DPH5: variants seen among roughly 807,000 people sequenced by gnomAD.
The protein encoded by DPH5 is diphthine methyl ester synthase.
DPH5 carries 31 observed loss-of-function variants against 31.6 expected under a neutral mutation model. The observed-to-expected ratio is 0.98, with a 90% confidence interval of 0.74 to 1.32. DPH5 has a LOEUF of 1.32. Among genes scored for constraint, DPH5 ranks in the 40% most tolerant of loss-of-function variants. The pLI is 0.00. For missense variants in DPH5, 309 were observed against 335.7 expected, an observed-to-expected ratio of 0.92 and a Z score of 0.62; for synonymous variants, 120 against 115.0, an observed-to-expected ratio of 1.04 and a Z score of -0.28.
At chr1:101,013,143 A>C (rs1443543429) in intron 4 of DPH5, among the ~76,000 whole-genome samples, 1 of 152,218 alleles carries the variant, frequency 6.6e-6, no homozygotes, top group Non-Finnish European at 1.5e-5. Flanking sequence ...AGCTTGGAAA[A>C]TGATAGTAGC....
intron 3 of DPH5, among the ~76,000 whole-genome samples, chr1:101,017,899 G>T (rs1290288789): frequency 6.6e-6 from 1 of 152,134 alleles, no homozygotes; most frequent in Admixed American, 6.5e-5. Flanking sequence ...TTAACATTAA[G>T]AGTAAAGAAA....
chr1:101,024,717 T>C (rs1361581224), intron 2 of DPH5, among the ~76,000 whole-genome samples: 1 of 152,250 alleles, frequency 6.6e-6, no homozygotes, highest in African/African-American at 2.4e-5. Context: ...TATAATATAC[T>C]AACAAATACT....
chr1:101,001,612 G>A (rs1658872244), intron 4 of DPH5, 25 bp from the exon 5 acceptor site: 1 of 1,483,976 alleles, frequency 6.7e-7, no homozygotes, highest in African/African-American at 1.4e-5. Flanking sequence ...ATTAATTAAT[G>A]ATGGAACAAT....
intron 6 of DPH5, among the ~76,000 whole-genome samples, chr1:100,993,826 C>T (rs1226228112): frequency 1.3e-5 from 2 of 151,590 alleles, no homozygotes; most frequent in Non-Finnish European, 2.9e-5. Flanking sequence ...ACTGCAACCT[C>T]TGCCTCCTGG....
intron 5 of DPH5, chr1:100,995,402 G>T: frequency 2.7e-6 from 1 of 371,712 alleles, no homozygotes. Context: ...GAAGACAAGG[G>T]AAAGAATTAG....
chr1:100,990,019 T>G lies in DPH5; in HGVS notation c.*389A>C, dbSNP rs1657523690. Reference sequence around the variant, plus strand: ...ACACAAACATGCATGCATCCAGGTATTAATCCATTCTCACACTGCTATGAA... The same window carrying G: ...ACACAAACATGCATGCATCCAGGTAGTAATCCATTCTCACACTGCTATGAA... On this transcript the variant is annotated 3_prime_UTR_variant, in exon 8 of 8. Transcript: ENST00000370109. 5.0e-6 allele frequency: 1 copy of G among 200,882 alleles called. No individual in the cohort carries two copies. Among genetic ancestry groups the G allele is most frequent in the African/African-American group, 2.4e-5 (1 of 42,442 alleles). 12.4% of individuals were successfully genotyped at this position (200,882 alleles called of 1,614,324 possible).
intron 2 of DPH5, chr1:101,023,078 A>G (rs1169612240): frequency 6.6e-6 from 1 of 152,244 alleles, no homozygotes; most frequent in Non-Finnish European, 1.5e-5. Flanking sequence ...CTGTAATCCC[A>G]GCTACTCAGA....
chr1:100,990,322 A>G lies in DPH5; in HGVS notation c.*86T>C. On this transcript the variant is annotated 3_prime_UTR_variant, in exon 8 of 8. Transcript: ENST00000370109. ...TGGGAATTATGAGGATTAAAATTCA[A>G]GATGAGACTTGGGTGGGGATACATC... is the stretch of plus-strand genomic sequence containing the variant. The G allele has an allele frequency of 1.6e-6, 2 of 1,252,640 alleles. No individual in the cohort carries two copies. The highest frequency in any genetic ancestry group is 3.0e-5 in the African/African-American group (2 of 67,744). The allele number at this position is 1,252,640 out of a possible 1,614,324, so 77.6% of individuals were successfully genotyped here. A position where few individuals can be genotyped will look rare whatever the true frequency, so the allele number is the denominator to read the frequency against.
intron 3 of DPH5, among the ~76,000 whole-genome samples, chr1:101,015,060 A>G (rs1210865090): frequency 6.6e-6 from 1 of 151,970 alleles, no homozygotes; most frequent in Non-Finnish European, 1.5e-5. Flanking sequence ...GTTGGAATCG[A>G]CCCCTCCCAA....
intron 1 of DPH5, 53 bp from the exon 2 acceptor site, chr1:101,025,519 A>G: frequency 6.4e-7 from 1 of 1,567,432 alleles, no homozygotes; most frequent in East Asian, 2.3e-5. Context: ...GACATCTAAA[A>G]TCTAGTGATG....
At chr1:100,991,164 A>T (rs531681008) in intron 7 of DPH5, among the ~76,000 whole-genome samples, 1 of 152,366 alleles carries the variant, frequency 6.6e-6, no homozygotes, top group Admixed American at 6.5e-5. Context: ...AAGATAGTAG[A>T]TATGAGACTA....
intron 3 of DPH5, among the ~76,000 whole-genome samples, chr1:101,014,060 G>T (rs919327790): frequency 2.0e-5 from 3 of 152,148 alleles, no homozygotes; most frequent in Non-Finnish European, 4.4e-5. Context: ...AGCTACTTAA[G>T]AAAGGGACCT....
At chr1:100,997,670 T>C (rs551520125) in intron 5 of DPH5, among the ~76,000 whole-genome samples, 4 of 152,290 alleles carry the variant, frequency 2.6e-5, no homozygotes, top group African/African-American at 9.6e-5. Context: ...CGGCCTTTCC[T>C]GTCATTTTTA....
At chr1:101,015,933 T>G (rs111310319) in intron 3 of DPH5, among the ~76,000 whole-genome samples, 6 of 152,330 alleles carry the variant, frequency 3.9e-5, no homozygotes, top group African/African-American at 1.2e-4. Context: ...AGACTTTAGC[T>G]TAAGGGAATA....
chr1:100,995,143 T>C lies in DPH5; in HGVS notation c.497A>G (p.Lys166Arg), dbSNP rs192442376. Residue 166 changes from lysine (K) to arginine (R), a missense_variant, in exon 6 of 8, where the codon AAA (lysine) becomes AGA (arginine). By Grantham distance (26) the Lys-to-Arg change is conservative. Coordinates refer to ENST00000370109, the MANE Select transcript of DPH5 (RefSeq NM_015958.3). Reference sequence around the variant, plus strand: ...ATTTTCCAAAGACTGCTCCTTTACTTTGATGTCTGTAGGAAGTAAAAATAG... The same window carrying C: ...ATTTTCCAAAGACTGCTCCTTTACTCTGATGTCTGTAGGAAGTAAAAATAG... ...GMHTLCLLDI[K>R]VKEQSLENLI... 17 of 1,574,534 alleles carry C rather than the reference T, an allele frequency of 1.1e-5. 1 individual carries two copies. The Admixed American group carries it at 2.5e-4, about 23-fold the overall frequency.
Position 101,001,524 on chromosome 1 carries a change from A to T in DPH5, c.433T>A (p.Phe145Ile). The T allele has an allele frequency of 6.2e-7, 1 of 1,612,940 alleles. No individual in the cohort carries two copies. The highest frequency in any genetic ancestry group is 8.5e-7 in the Non-Finnish European group (1 of 1,178,986). Residue 145 changes from phenylalanine (F) to isoleucine (I), a missense_variant, in exon 5 of 8, where the codon TTC becomes ATC. Physicochemically the swap from Phe to Ile is conservative, Grantham distance 21. Transcript: ENST00000370109. ...FWTDTWRPES[F>I]FDKVKKNRQN... ...CTGTTCTTCTTCACTTTGTCAAAGA[A>T]GCTTTCTGGTCTCCAAGTGTCTGTC... is the stretch of plus-strand genomic sequence containing the variant.
At chr1:101,023,204 A>C (rs1481958683) in intron 2 of DPH5, 1 of 152,180 alleles carries the variant, frequency 6.6e-6, no homozygotes, top group Non-Finnish European at 1.5e-5. Flanking sequence ...AAATAAAAAA[A>C]CATAATAAAT....
At chr1:101,016,132 A>G (rs1045135476) in intron 3 of DPH5, among the ~76,000 whole-genome samples, 40 of 152,128 alleles carry the variant, frequency 2.6e-4, no homozygotes, top group African/African-American at 9.7e-4. Flanking sequence ...AGGCAGACAG[A>G]TCACGAGGTC....
intron 3 of DPH5, among the ~76,000 whole-genome samples, chr1:101,016,174 G>A (rs1660061186): frequency 6.6e-6 from 1 of 151,980 alleles, no homozygotes. Context: ...CCAACACGGT[G>A]AAACCCCGTC....
Sources: gnomAD v4.1 joint callset for allele counts (sites outside exome capture counted in the v4.1 genomes callset) on GRCh38, gnomAD v4.1.1 for gene constraint, MANE v1.5 for transcripts, NCBI Gene and HGNC (gene_info 2026-07-23, HGNC 2026-07-21) for gene names.